MAP1LC3C: variants seen among roughly 807,000 people sequenced by gnomAD.
MAP1LC3C encodes microtubule-associated protein 1 light chain 3 gamma.
Under a neutral mutation model 10.4 loss-of-function variants are expected in MAP1LC3C, and 12 were observed. That is an observed-to-expected ratio of 1.15 (90% CI 0.74 to 1.86). The LOEUF is 1.86. MAP1LC3C is among the 40% of genes most tolerant of loss of function. MAP1LC3C has a pLI of 0.00. For synonymous variants in MAP1LC3C, 70 were observed against 69.0 expected (o/e 1.01, Z -0.07); for missense variants, 177 against 185.7 (o/e 0.95, Z 0.27).
rs1322983767 is a variant in MAP1LC3C at position 241,999,021 on chromosome 1, C to G, written c.-13G>C. ...GTGGAGGCGGCATTGCACTCAGTAG[C>G]TGTGTCTGTTTTAAAAAAGAAAAAA... On this transcript the variant is annotated 5_prime_UTR_variant, in exon 1 of 4. Coordinates refer to ENST00000357246, the MANE Select transcript of MAP1LC3C (RefSeq NM_001004343.3). 6.3e-7 allele frequency: 1 copy of G among 1,594,150 alleles called. No individual in the cohort carries two copies. Among genetic ancestry groups the G allele is most frequent in the Middle Eastern group, 1.7e-4 (1 of 5,938 alleles).
Position 241,998,549 on chromosome 1 carries a change from C to T in MAP1LC3C, c.186G>A (p.Gln62=), listed in dbSNP as rs142366465. ...PLDKTKFLVP[Q]ELTMTQFLSI... Reference sequence around the variant, plus strand: ...TGAGGAACTGGGTCATGGTCAGCTCCTGCGGGACCAGGAACTTGGTTTTGT... The same window carrying T: ...TGAGGAACTGGGTCATGGTCAGCTCTTGCGGGACCAGGAACTTGGTTTTGT... The change falls in exon 3 of 4, where the codon CAG becomes CAA. Residue 62 remains glutamine, a synonymous_variant. Transcript: ENST00000357246. 335 of 1,614,016 alleles carry T rather than the reference C, an allele frequency of 2.1e-4. No individual in the cohort carries two copies. The highest frequency in any genetic ancestry group is 2.7e-4 in the Non-Finnish European group (318 of 1,180,002).
chr1:241,997,883 T>A (rs908687044), intron 3 of MAP1LC3C, among the ~76,000 whole-genome samples: 2 of 152,032 alleles, frequency 1.3e-5, no homozygotes, highest in African/African-American at 4.8e-5. Context: ...TCACACAAGA[T>A]CTGAAAGAAA....
rs1445011135 is a variant in MAP1LC3C at position 241,996,166 on chromosome 1, G to C, written c.441C>G (p.Leu147=). Residue 147 remains leucine, a synonymous_variant, in exon 4 of 4, where the codon CTC becomes CTG. Coordinates refer to ENST00000357246, the MANE Select transcript of MAP1LC3C (RefSeq NM_001004343.3). ...SSLEDRPCNP[L] ...CACACATCCTTCCCGACATGGGCTA[G>C]AGAGGATTGCAGGGTCTGTCCTCAA... The C allele has an allele frequency of 6.2e-7, 1 of 1,613,190 alleles. No individual in the cohort carries two copies. The highest frequency in any genetic ancestry group is 8.5e-7 in the Non-Finnish European group (1 of 1,179,508).
At chr1:241,997,855 G>C (rs1558179115) in intron 3 of MAP1LC3C, among the ~76,000 whole-genome samples, 1 of 151,992 alleles carries the variant, frequency 6.6e-6, no homozygotes, top group Non-Finnish European at 1.5e-5. Context: ...TCTCTGCAAC[G>C]GACGCGCAGA....
chr1:241,996,385 C>G lies in MAP1LC3C; in HGVS notation c.222G>C (p.Arg74=). ...LTMTQFLSII[R]SRMVLRATEA... is the part of the protein sequence containing the mutation. ...CCGTGGCTCTCAGGACCATGCGGCT[C>G]CTGGGATGGGCAGGAGGGTGGTGAG... Residue 74 remains arginine (R), a splice_region_variant and synonymous_variant, in exon 4 of 4, where the codon CGG becomes CGC. Transcript: ENST00000357246. 1 of 1,613,756 alleles carries G rather than the reference C, an allele frequency of 6.2e-7. No homozygotes were observed. Among genetic ancestry groups the G allele is most frequent in the Non-Finnish European group, 8.5e-7 (1 of 1,179,842 alleles).
At chr1:241,998,754 CG>C in intron 2 of MAP1LC3C, 21 bp downstream of exon 2, 1 of 1,614,050 alleles carries the variant, frequency 6.2e-7, no homozygotes, top group Non-Finnish European at 8.5e-7. Context: ...CGCCCCCCAG[CG>C]GAAGTCCAGT....
chr1:241,998,050 G>C (rs1327697870), intron 3 of MAP1LC3C, among the ~76,000 whole-genome samples: 1 of 76,150 alleles, frequency 1.3e-5, no homozygotes, highest in East Asian at 5.8e-4. Flanking sequence ...TTTTGAGACA[G>C]AGTTTCACTC....
Position 241,998,867 on chromosome 1 carries a change from A to T in MAP1LC3C, c.59-36T>A, listed in dbSNP as rs773808107. On this transcript the variant is annotated intron_variant, in intron 1 of 3. Coordinates refer to ENST00000357246, the MANE Select transcript of MAP1LC3C (RefSeq NM_001004343.3). ...TTCAAGCACAAGAGAAGAAGCAAAG[A>T]TCAAGAAAAGAAGCAAAGATCAAGA... The T allele has an allele frequency of 4.3e-6, 7 of 1,613,932 alleles. No homozygotes were observed. In the South Asian group the frequency reaches 7.7e-5, roughly 18 times the overall value.
chr1:241,999,537 A>G (rs1178551983), upstream of MAP1LC3C, among the ~76,000 whole-genome samples: 1 of 152,244 alleles, frequency 6.6e-6, no homozygotes, highest in Non-Finnish European at 1.5e-5. Flanking sequence ...GGTATGGATT[A>G]AAACCTAGAG....
At chr1:241,998,016 T>C (rs943252120) in intron 3 of MAP1LC3C, among the ~76,000 whole-genome samples, 5 of 122,302 alleles carry the variant, frequency 4.1e-5, no homozygotes, top group African/African-American at 1.6e-4. Context: ...TAAAATAGAG[T>C]AATTCTTTTT....
At chr1:242,001,050 C>T (rs1044013575), upstream of MAP1LC3C, among the ~76,000 whole-genome samples, 2 of 151,798 alleles carry the variant, frequency 1.3e-5, no homozygotes, top group Admixed American at 6.6e-5. Context: ...CCAAGGTGGG[C>T]GGATCACTTG....
rs200097155 is a variant in MAP1LC3C, at chr1:241,998,021, C to T, written c.221+493G>A. ...CTTACCTGTTTAAAATAGAGTAATT[C>T]TTTTTTTTTTTTTTTTTTTTTTGAG... is the stretch of plus-strand genomic sequence containing the variant. On this transcript the variant is annotated intron_variant, in intron 3 of 3. Coordinates refer to ENST00000357246, the MANE Select transcript of MAP1LC3C (RefSeq NM_001004343.3). 3.7e-3 allele frequency among the ~76,000 whole-genome samples: 350 copies of T among 95,384 alleles called. 2 individuals carry two copies. The highest frequency in any genetic ancestry group is 3.9e-3 in the East Asian group (12 of 3,054). 62.6% of individuals were successfully genotyped at this position (95,384 alleles called of 152,430 possible).
intron 3 of MAP1LC3C, 41 bp downstream of exon 3, chr1:241,998,472 AC>A (rs1665131257): frequency 6.4e-7 from 1 of 1,567,456 alleles, no homozygotes; most frequent in Admixed American, 1.7e-5. Context: ...GCCCCGGCGC[AC>A]CCAGCGCACC....
At chr1:241,998,855 GAAGAAGCAAAGATCAAGAA>G (rs781118673) in intron 1 of MAP1LC3C, 24 bp from the exon 2 acceptor site, 65 of 1,613,938 alleles carry the variant, frequency 4.0e-5, no homozygotes, top group East Asian at 8.9e-5. Context: ...AAGCACAAGA[GAAGAAGCAAAGATCAAGAA>G]AAGAAGCAAA....
chr1:242,000,230 A>G (rs1366981334), upstream of MAP1LC3C, among the ~76,000 whole-genome samples: 1 of 151,988 alleles, frequency 6.6e-6, no homozygotes, highest in Non-Finnish European at 1.5e-5. Flanking sequence ...GCAAGCCCCA[A>G]GTTGTGTTTG....
chr1:241,996,383 C>A lies in MAP1LC3C; in HGVS notation c.224G>T (p.Ser75Ile). The A allele has an allele frequency of 6.2e-7, 1 of 1,613,636 alleles. No individual in the cohort carries two copies. The highest frequency in any genetic ancestry group is 8.5e-7 in the Non-Finnish European group (1 of 1,179,710). ...TMTQFLSIIR[S>I]RMVLRATEAF... ...TTCCGTGGCTCTCAGGACCATGCGG[C>A]TCCTGGGATGGGCAGGAGGGTGGTG... Residue 75 changes from serine to isoleucine, a missense_variant and splice_region_variant, in exon 4 of 4, where the codon AGC (serine) becomes ATC (isoleucine). By Grantham distance (142) the Ser-to-Ile change is moderately radical. Transcript: ENST00000357246.
chr1:241,999,665 CG>C (rs1304363651), upstream of MAP1LC3C, among the ~76,000 whole-genome samples: 2 of 152,066 alleles, frequency 1.3e-5, no homozygotes, highest in East Asian at 3.9e-4. Flanking sequence ...AAAAATTAGC[CG>C]GACGTGGTGG....
intron 3 of MAP1LC3C, among the ~76,000 whole-genome samples, chr1:241,997,137 A>G (rs897526159): frequency 4.0e-5 from 6 of 151,840 alleles, no homozygotes; most frequent in Non-Finnish European, 8.8e-5. Flanking sequence ...GACCTCAGGT[A>G]ATCTGCCCTG....
At position 241,995,978 on chromosome 1, in the gene MAP1LC3C, G is replaced by T. The variant is rs992973591; in HGVS notation, c.*185C>A. On this transcript the variant is annotated 3_prime_UTR_variant, in exon 4 of 4. Coordinates refer to ENST00000357246, the MANE Select transcript of MAP1LC3C (RefSeq NM_001004343.3). ...GAGCAGCCCACATTTTTCTTAGAAG[G>T]ACACAAGAACACGGAGCACAAAAAC... 5 of 506,634 alleles carry T rather than the reference G, an allele frequency of 9.9e-6. No homozygotes were observed. The highest frequency in any genetic ancestry group is 9.7e-5 in the Admixed American group (3 of 30,864). 31.4% of individuals were successfully genotyped at this position (506,634 alleles called of 1,614,324 possible).
Sources: gnomAD v4.1 joint callset for allele counts (sites outside exome capture counted in the v4.1 genomes callset) on GRCh38, gnomAD v4.1.1 for gene constraint, MANE v1.5 for transcripts, NCBI Gene and HGNC (gene_info 2026-07-23, HGNC 2026-07-21) for gene names.